CCDC3: variants seen among roughly 807,000 people sequenced by gnomAD.
The protein encoded by CCDC3 is coiled-coil domain containing 3, also known as coiled-coil domain-containing protein 3.
A neutral mutation model predicts 21.4 loss-of-function variants in CCDC3; 24 were observed. That is an observed-to-expected ratio of 1.12 (90% CI 0.81 to 1.58). The LOEUF (loss-of-function observed/expected upper bound fraction) is 1.58, where lower values mean the gene tolerates loss of function less well. Among genes scored for constraint, CCDC3 ranks in the 40% most tolerant of loss-of-function variants. The pLI, the probability that CCDC3 is intolerant of heterozygous loss-of-function variation, is 0.00. For missense variants in CCDC3, 425 were observed against 360.9 expected (o/e 1.18, Z -1.44); for synonymous variants, 186 against 166.0 (o/e 1.12, Z -0.93).
intron 4 of CCDC3, among the ~76,000 whole-genome samples, chr10:13,065,985 C>T (rs778264899): frequency 5.5e-4 from 84 of 152,182 alleles, no homozygotes; most frequent in Non-Finnish European, 1.1e-3. Context: ...ACCTCTGCAA[C>T]TGACCAACTC....
rs549641081 is a variant in CCDC3, at chr10:13,010,270, C to T, written c.-1-11758G>A. 1.7e-3 allele frequency among the ~76,000 whole-genome samples: 255 copies of T among 151,948 alleles called. 2 individuals are homozygous for T. Among genetic ancestry groups the T allele is most frequent in the African/African-American group, 6.0e-3 (248 of 41,474 alleles). On this transcript the variant is annotated intron_variant, in intron 5 of 6. Coordinates refer to the CCDC3 transcript ENST00000378839. ...TTCAAAAAAACAAAAAAACAAAAAACACTCAATGATGAGAAAACAAACAAC... is the reference window on the plus strand; with the variant it reads ...TTCAAAAAAACAAAAAAACAAAAAATACTCAATGATGAGAAAACAAACAAC...
chr10:12,978,464 T>C (rs1260357684), intron 2 of CCDC3, among the ~76,000 whole-genome samples: 1 of 152,178 alleles, frequency 6.6e-6, no homozygotes, highest in African/African-American at 2.4e-5. Flanking sequence ...CGGCTTTGAC[T>C]GTTTAGCAGA....
upstream of CCDC3, among the ~76,000 whole-genome samples, chr10:13,005,875 C>T (rs1351571075): frequency 6.6e-6 from 1 of 152,148 alleles, no homozygotes; most frequent in Non-Finnish European, 1.5e-5. Flanking sequence ...GCATATGTTC[C>T]CTCCTAAATA....
At chr10:13,072,867 CT>C (rs144915227) in intron 4 of CCDC3, among the ~76,000 whole-genome samples, 1,617 of 117,988 alleles carry the variant, frequency 0.014, 57 homozygotes, top group South Asian at 0.12. Context: ...TCTTTTCTTT[CT>C]TTTTTTTTTT....
At chr10:13,049,268 T>TCA (rs1698135610) in intron 5 of CCDC3, among the ~76,000 whole-genome samples, 2 of 152,152 alleles carry the variant, frequency 1.3e-5, no homozygotes, top group Non-Finnish European at 2.9e-5. Flanking sequence ...TTCAAACAAA[T>TCA]CAATCAGTAC....
At chr10:12,984,635 T>C (rs1450611434) in intron 2 of CCDC3, among the ~76,000 whole-genome samples, 1 of 151,800 alleles carries the variant, frequency 6.6e-6, no homozygotes, top group Non-Finnish European at 1.5e-5. Context: ...CAGGCAAGAG[T>C]GGAAACAAAT....
chr10:12,931,802 G>A (rs191547081), intron 2 of CCDC3, among the ~76,000 whole-genome samples: 1 of 152,200 alleles, frequency 6.6e-6, no homozygotes, highest in African/African-American at 2.4e-5. Flanking sequence ...CACATTTCAA[G>A]AATTAGGTCC....
chr10:13,059,327 C>G (rs1836723827), intron 4 of CCDC3, among the ~76,000 whole-genome samples: 1 of 152,150 alleles, frequency 6.6e-6, no homozygotes, highest in South Asian at 2.1e-4. Flanking sequence ...GCCTCCTGCC[C>G]TAGAACACCT....
intron 4 of CCDC3, among the ~76,000 whole-genome samples, chr10:13,059,515 C>T (rs1836727004): frequency 6.6e-6 from 1 of 152,074 alleles, no homozygotes; most frequent in Non-Finnish European, 1.5e-5. Flanking sequence ...TGCAGGACAA[C>T]CAAACGGGAA....
At chr10:13,060,014 T>C (rs2399895) in intron 4 of CCDC3, among the ~76,000 whole-genome samples, 3 of 151,464 alleles carry the variant, frequency 2.0e-5, no homozygotes, top group African/African-American at 7.3e-5. Context: ...AACCAGGGAG[T>C]CAGAGGTTGC....
chr10:13,020,933 C>A (rs1002271886), intron 5 of CCDC3, among the ~76,000 whole-genome samples: 2 of 152,076 alleles, frequency 1.3e-5, no homozygotes, highest in Non-Finnish European at 2.9e-5. Context: ...TCAGTAATGA[C>A]TGGTACTGAG....
chr10:13,048,480 C>G (rs774271407), intron 5 of CCDC3, among the ~76,000 whole-genome samples: 17 of 152,202 alleles, frequency 1.1e-4, no homozygotes, highest in Non-Finnish European at 1.5e-5. Flanking sequence ...GTGTGAGCCA[C>G]TGCACCTGGC....
chr10:13,001,665 C>G lies in CCDC3; in HGVS notation c.-95G>C. On this transcript the variant is annotated 5_prime_UTR_variant, in exon 1 of 3. Transcript: ENST00000378825. The stretch of plus-strand genomic sequence containing the variant: ...GCCCTGGGCGCTCGGCTGCTCGGGC[C>G]GCTCCCGGGAGCTGAGCGCACCGCT... 1 of 848,346 alleles carries G rather than the reference C, an allele frequency of 1.2e-6. No individual in the cohort carries two copies. Among genetic ancestry groups the G allele is most frequent in the East Asian group, 1.0e-4 (1 of 9,904 alleles). 52.6% of individuals were successfully genotyped at this position (848,346 alleles called of 1,614,324 possible).
intron 2 of CCDC3, among the ~76,000 whole-genome samples, chr10:12,930,142 C>A (rs1263733321): frequency 6.6e-6 from 1 of 152,166 alleles, no homozygotes; most frequent in African/African-American, 2.4e-5. Context: ...AGCTCATGGT[C>A]TAGGCACAAT....
chr10:13,076,596 C>T lies in CCDC3; in HGVS notation c.-502-2496G>A, dbSNP rs1836967581. On this transcript the variant is annotated intron_variant, in intron 3 of 6. Transcript: ENST00000378839. ...TTTGTGCTAATAACTCTTTGTTAAG[C>T]CCTATCCTATGTAGTTATTAAACAT... Among the ~76,000 whole-genome samples the T allele has an allele frequency of 1.3e-5, 2 of 152,212 alleles. 1 individual carries two copies. The highest frequency in any genetic ancestry group is 4.1e-4 in the South Asian group (2 of 4,832).
intron 2 of CCDC3, among the ~76,000 whole-genome samples, chr10:12,903,866 A>T (rs1834129726): frequency 1.3e-5 from 2 of 152,236 alleles, no homozygotes; most frequent in South Asian, 2.1e-4. Context: ...AACATTTTTT[A>T]AAAATATGGG....
chr10:13,025,380 T>TTGGCCAAAGC (rs1836201384), intron 5 of CCDC3, among the ~76,000 whole-genome samples: 1 of 152,204 alleles, frequency 6.6e-6, no homozygotes, highest in Non-Finnish European at 1.5e-5. Context: ...TAAAGTTGCA[T>TTGGCCAAAGC]TGGCCAAAGC....
At chr10:12,940,103 G>C (rs12243571) in intron 2 of CCDC3, among the ~76,000 whole-genome samples, 24,388 of 151,852 alleles carry the variant, frequency 0.16, 2,126 homozygotes, top group African/African-American at 0.24. Context: ...AGAAAGTGCA[G>C]AACCCCATTG....
At chr10:12,941,160 C>T (rs924336655) in intron 2 of CCDC3, among the ~76,000 whole-genome samples, 18 of 152,194 alleles carry the variant, frequency 1.2e-4, no homozygotes, top group Admixed American at 5.9e-4. Context: ...CTAAAACCAA[C>T]GTGGTGACGA....
Sources: gnomAD v4.1 joint callset for allele counts (sites outside exome capture counted in the v4.1 genomes callset) on GRCh38, gnomAD v4.1.1 for gene constraint, MANE v1.5 for transcripts, NCBI Gene and HGNC (gene_info 2026-07-23, HGNC 2026-07-21) for gene names.